MYLK4: variants seen among roughly 807,000 people sequenced by gnomAD.
MYLK4 encodes the protein caMLCK like.
In MYLK4, 46 loss-of-function variants were observed where a neutral mutation model predicts 48.1. The ratio of observed to expected loss-of-function variants is 0.96; its 90% CI spans 0.75 to 1.22. MYLK4 has a LOEUF of 1.22. Among genes scored for constraint, MYLK4 ranks in the 50% most tolerant of loss-of-function variants. The probability of loss-of-function intolerance (pLI) is 0.00; values close to 1 mark genes in which losing one functional copy is unlikely to be tolerated. For missense variants in MYLK4, 451 were observed against 486.1 expected (o/e 0.93, Z 0.68); for synonymous variants, 170 against 180.8 (o/e 0.94, Z 0.48).
the MYLK4 span, chr6:2,766,200 C>G: frequency 7.0e-7 from 1 of 1,426,754 alleles, no homozygotes; most frequent in Non-Finnish European, 9.2e-7. Flanking sequence ...GACGCGGACG[C>G]TGCCGAAGCC....
intron 4 of MYLK4, among the ~76,000 whole-genome samples, chr6:2,687,651 A>G (rs1761611500): frequency 6.6e-6 from 1 of 152,140 alleles, no homozygotes; most frequent in Admixed American, 6.6e-5. Flanking sequence ...CCATCCCCGC[A>G]GTCTCATGGG....
intron 2 of MYLK4, among the ~76,000 whole-genome samples, chr6:2,734,445 T>C (rs1472475128): frequency 6.6e-6 from 1 of 152,138 alleles, no homozygotes; most frequent in Non-Finnish European, 1.5e-5. Context: ...CCCGGGCTTA[T>C]CTAACTGGCC....
At chr6:2,745,331 G>A (rs1244321608) in intron 2 of MYLK4, among the ~76,000 whole-genome samples, 1 of 152,132 alleles carries the variant, frequency 6.6e-6, no homozygotes, top group Non-Finnish European at 1.5e-5. Flanking sequence ...AGATTCAACT[G>A]TACAAAAATA....
At chr6:2,697,443 C>T (rs993801780) in intron 2 of MYLK4, among the ~76,000 whole-genome samples, 2 of 152,234 alleles carry the variant, frequency 1.3e-5, no homozygotes, top group Non-Finnish European at 2.9e-5. Context: ...TTAACCATTA[C>T]ATTTACTGCC....
intron 2 of MYLK4, among the ~76,000 whole-genome samples, chr6:2,722,263 C>T (rs2126237): frequency 0.86 from 130,668 of 152,254 alleles, 56,453 homozygotes; most frequent in East Asian, 1. Flanking sequence ...AATTAGTATA[C>T]AGTGTGGTTT....
intron 2 of MYLK4, 149 bp downstream of exon 2, chr6:2,748,987 T>C (rs1335756171): frequency 4.5e-6 from 3 of 660,270 alleles, no homozygotes; most frequent in African/African-American, 3.6e-5. Flanking sequence ...CACAATTGTA[T>C]AGTCGACACA....
the MYLK4 span, chr6:2,770,309 G>A: frequency 6.2e-7 from 1 of 1,614,042 alleles, no homozygotes; most frequent in African/African-American, 1.3e-5. Flanking sequence ...CCACGTCCTA[G>A]ACTCTAGCCG....
rs754823062 is a variant in MYLK4 at position 2,678,293 on chromosome 6, C to G, written c.967G>C (p.Glu323Gln). 6.2e-7 allele frequency: 1 copy of G among 1,614,176 alleles called. No individual in the cohort carries two copies. Among genetic ancestry groups the G allele is most frequent in the Middle Eastern group, 1.7e-4 (1 of 6,056 alleles). ...NNILACRWDL[E>Q]DEEFQDISEE... ...GAGATGTCCTGAAATTCTTCATCCTCTAAGTCCCACCTGCAGGCCAGGATG... is the reference window on the plus strand; with the variant it reads ...GAGATGTCCTGAAATTCTTCATCCTGTAAGTCCCACCTGCAGGCCAGGATG... Residue 323 changes from glutamate (E) to glutamine (Q), a missense_variant, in exon 10 of 13, where the codon GAG becomes CAG. Coordinates refer to ENST00000274643, the MANE Select transcript of MYLK4 (RefSeq NM_001012418.5).
chr6:2,725,547 CAAAG>C (rs1763229282), intron 2 of MYLK4, among the ~76,000 whole-genome samples: 1 of 79,818 alleles, frequency 1.3e-5, no homozygotes, highest in African/African-American at 5.2e-5. Flanking sequence ...AAGAAAGAAA[CAAAG>C]AAACAAAGAA....
At chr6:2,713,254 C>T (rs1027508926) in intron 2 of MYLK4, among the ~76,000 whole-genome samples, 1 of 151,796 alleles carries the variant, frequency 6.6e-6, no homozygotes, top group Non-Finnish European at 1.5e-5. Context: ...CCTGTAATAC[C>T]AGCTACCTGG....
chr6:2,714,549 T>G (rs1344675945), intron 2 of MYLK4, among the ~76,000 whole-genome samples: 1 of 152,178 alleles, frequency 6.6e-6, no homozygotes, highest in Non-Finnish European at 1.5e-5. Flanking sequence ...TAGCCCCAAT[T>G]TGGGGGCTCG....
At chr6:2,746,967 C>A (rs1258872917) in intron 2 of MYLK4, among the ~76,000 whole-genome samples, 1 of 152,212 alleles carries the variant, frequency 6.6e-6, no homozygotes, top group Non-Finnish European at 1.5e-5. Context: ...GAACTCTGTG[C>A]CTCTGACACA....
At chr6:2,763,320 C>G in the MYLK4 span, among the ~76,000 whole-genome samples, 10 of 152,268 alleles carry the variant, frequency 6.6e-5, no homozygotes, top group African/African-American at 2.2e-4. Context: ...GCTTGCTAGT[C>G]CCACGTAATG....
intron 2 of MYLK4, among the ~76,000 whole-genome samples, chr6:2,734,151 C>G (rs912025414): frequency 2.6e-5 from 4 of 152,210 alleles, no homozygotes; most frequent in African/African-American, 9.6e-5. Flanking sequence ...GTACTCATGT[C>G]TGCAAACCCT....
At chr6:2,767,108 G>A in the MYLK4 span, among the ~76,000 whole-genome samples, 17 of 152,172 alleles carry the variant, frequency 1.1e-4, no homozygotes, top group African/African-American at 4.1e-4. Context: ...CTCTAGAGAA[G>A]AAACATCCGT....
chr6:2,723,265 C>G (rs1763135522), intron 2 of MYLK4, among the ~76,000 whole-genome samples: 1 of 152,162 alleles, frequency 6.6e-6, no homozygotes, highest in African/African-American at 2.4e-5. Flanking sequence ...CGCACTCCAG[C>G]CTGGGTGACG....
intron 6 of MYLK4, among the ~76,000 whole-genome samples, chr6:2,684,802 G>A (rs1761463167): frequency 1.3e-5 from 2 of 152,160 alleles, no homozygotes; most frequent in African/African-American, 4.8e-5. Context: ...GTGTCCTCCG[G>A]TTTTGGTATT....
Position 2,688,836 on chromosome 6 carries a change from T to G in MYLK4, c.341+15A>C, listed in dbSNP as rs749930790. 1 of 1,601,972 alleles carries G rather than the reference T, an allele frequency of 6.2e-7. No homozygotes were observed. The highest frequency in any genetic ancestry group is 2.2e-5 in the East Asian group (1 of 44,816). On this transcript the variant is annotated intron_variant, in intron 4 of 12. Coordinates refer to ENST00000274643, the MANE Select transcript of MYLK4 (RefSeq NM_001012418.5). Reference sequence around the variant, plus strand: ...TTCTTTTGTTGAGAGAATATTAACATTCAGCCTTACTCACCCTCCTAGGAT... The same window carrying G: ...TTCTTTTGTTGAGAGAATATTAACAGTCAGCCTTACTCACCCTCCTAGGAT...
chr6:2,710,993 C>T (rs999677357), intron 2 of MYLK4, among the ~76,000 whole-genome samples: 2 of 152,208 alleles, frequency 1.3e-5, no homozygotes, highest in Non-Finnish European at 2.9e-5. Flanking sequence ...CTTGCACTCA[C>T]TTGTCTCCAG....
Sources: gnomAD v4.1 joint callset for allele counts (sites outside exome capture counted in the v4.1 genomes callset) on GRCh38, gnomAD v4.1.1 for gene constraint, MANE v1.5 for transcripts, NCBI Gene and HGNC (gene_info 2026-07-23, HGNC 2026-07-21) for gene names.